ASH1L: variants seen among roughly 807,000 people sequenced by gnomAD.
ASH1L encodes the protein ASH1 like histone lysine methyltransferase.
A neutral mutation model predicts 269.0 loss-of-function variants in ASH1L; 23 were observed. That is an observed-to-expected ratio of 0.09 (90% CI 0.06 to 0.12). The LOEUF is 0.12. Ranked by LOEUF, ASH1L falls within the 10% of genes least tolerant of loss-of-function variation. The probability of loss-of-function intolerance (pLI) is 1.00; values close to 1 mark genes in which losing one functional copy is unlikely to be tolerated. For synonymous variants in ASH1L, 1,187 were observed against 1,253.5 expected, an observed-to-expected ratio of 0.95 and a Z score of 1.12; for missense variants, 2,912 against 3,567.8, an observed-to-expected ratio of 0.82 and a Z score of 4.68.
chr1:155,508,995 A>G lies in ASH1L; in HGVS notation c.420+12105T>C, dbSNP rs117569317. ...CTCTCAAAGTAGTCATCATCAAATT[A>G]GGCTCCAAATTCAACCACAGATAAA... is the stretch of plus-strand genomic sequence containing the variant. On this transcript the variant is annotated intron_variant, in intron 2 of 27. Coordinates refer to ENST00000392403, the MANE Select transcript of ASH1L (RefSeq NM_018489.3). Among the ~76,000 whole-genome samples, 22 of 152,346 alleles carry G rather than the reference A, an allele frequency of 1.4e-4. 1 individual carries two copies. In the East Asian group the frequency reaches 3.7e-3, roughly 25 times the overall value.
intron 2 of ASH1L, among the ~76,000 whole-genome samples, chr1:155,490,614 T>TCACA (rs144278501): frequency 0.47 from 67,077 of 142,008 alleles, 16,720 homozygotes; most frequent in Middle Eastern, 0.6. Context: ...CCAGACTACG[T>TCACA]CACACACACA....
At chr1:155,426,515 T>C (rs902400981) in intron 5 of ASH1L, among the ~76,000 whole-genome samples, 1 of 152,074 alleles carries the variant, frequency 6.6e-6, no homozygotes, top group African/African-American at 2.4e-5. Flanking sequence ...AATTTTTATA[T>C]TTTTAATAGA....
chr1:155,438,031 T>C (rs1389364900), intron 5 of ASH1L, among the ~76,000 whole-genome samples: 1 of 152,082 alleles, frequency 6.6e-6, no homozygotes, highest in Non-Finnish European at 1.5e-5. Context: ...ATATTTTTAG[T>C]AGAGAAAGGG....
At chr1:155,555,240 T>TA (rs1671505237) in intron 1 of ASH1L, among the ~76,000 whole-genome samples, 1 of 151,318 alleles carries the variant, frequency 6.6e-6, no homozygotes, top group African/African-American at 2.4e-5. Context: ...CTCACACCTG[T>TA]AATGCCAACA....
intron 6 of ASH1L, among the ~76,000 whole-genome samples, chr1:155,400,488 T>C (rs1335740795): frequency 1.3e-5 from 2 of 152,132 alleles, no homozygotes; most frequent in Non-Finnish European, 2.9e-5. Flanking sequence ...GATAACTGAG[T>C]AACAGGTACT....
At position 155,402,862 on chromosome 1, in the gene ASH1L, C is replaced by CTTT. The variant is rs113884065; in HGVS notation, c.6009-7312_6009-7310dup. Among the ~76,000 whole-genome samples, 1,150 of 135,940 alleles carry CTTT rather than the reference C, an allele frequency of 8.5e-3. 25 individuals are homozygous for CTTT. Among genetic ancestry groups the CTTT allele is most frequent in the African/African-American group, 0.031 (1,084 of 35,012 alleles). The allele number at this position is 135,940 out of a possible 152,430, so 89.2% of individuals were successfully genotyped here. On this transcript the variant is annotated intron_variant, in intron 6 of 27. Coordinates refer to ENST00000392403, the MANE Select transcript of ASH1L (RefSeq NM_018489.3). ...AGCCACCACACCCAGCCAAGTTATA[C>CTTT]TTTTTTTTTTTTTTTTTTTCAGCAT... is the stretch of plus-strand genomic sequence containing the variant.
At chr1:155,523,949 C>T (rs1669062467) in intron 1 of ASH1L, among the ~76,000 whole-genome samples, 1 of 152,200 alleles carries the variant, frequency 6.6e-6, no homozygotes, top group Non-Finnish European at 1.5e-5. Context: ...TGGGTAACTC[C>T]TTAGCTTGTT....
At chr1:155,408,405 A>G (rs868750317) in intron 6 of ASH1L, among the ~76,000 whole-genome samples, 1 of 152,230 alleles carries the variant, frequency 6.6e-6, no homozygotes, top group African/African-American at 2.4e-5. Flanking sequence ...CAAATACCCT[A>G]GTAGAAAAAG....
At position 155,479,240 on chromosome 1, in the gene ASH1L, T is replaced by C. The variant is rs1665782301; in HGVS notation, c.3630A>G (p.Thr1210=). The change falls in exon 3 of 28, where the codon ACA becomes ACG. Residue 1210 remains threonine, a synonymous_variant. Coordinates refer to ENST00000392403, the MANE Select transcript of ASH1L (RefSeq NM_018489.3). ...DSGIGTDNNS[T]SDRAEKFCGQ... ...CACAAAATTTCTCTGCCCTGTCTGATGTGCTGTTATTATCTGTTCCAATTC... is the reference window on the plus strand; with the variant it reads ...CACAAAATTTCTCTGCCCTGTCTGACGTGCTGTTATTATCTGTTCCAATTC... 1.2e-6 allele frequency: 2 copies of C among 1,613,958 alleles called. No individual in the cohort carries two copies. Among genetic ancestry groups the C allele is most frequent in the African/African-American group, 1.3e-5 (1 of 74,876 alleles).
At chr1:155,465,043 A>T (rs879754010) in intron 3 of ASH1L, among the ~76,000 whole-genome samples, 2 of 152,152 alleles carry the variant, frequency 1.3e-5, no homozygotes, top group African/African-American at 4.8e-5. Flanking sequence ...TGACATTTCC[A>T]CTGGAGGAAC....
At chr1:155,386,546 C>A (rs1252360104) in intron 7 of ASH1L, among the ~76,000 whole-genome samples, 1 of 126,682 alleles carries the variant, frequency 7.9e-6, no homozygotes, top group Non-Finnish European at 1.7e-5. Context: ...CCACCATGCC[C>A]AGCTAATTTT....
At chr1:155,516,150 T>A (rs920077919) in intron 2 of ASH1L, among the ~76,000 whole-genome samples, 10 of 152,144 alleles carry the variant, frequency 6.6e-5, no homozygotes, top group African/African-American at 2.4e-4. Flanking sequence ...AGAGGTTGCT[T>A]GACCACATTC....
rs72995136 is a variant in ASH1L at position 155,516,713 on chromosome 1, G to A, written c.420+4387C>T. Among the ~76,000 whole-genome samples the A allele has an allele frequency of 4.3e-3, 647 of 152,066 alleles. 2 individuals carry two copies. Among genetic ancestry groups the A allele is most frequent in the African/African-American group, 0.015 (616 of 41,492 alleles). Reference sequence around the variant, plus strand: ...GAGTCCAGGAGTTTGGGGCTACAATGAGCAATGCCACTGCCCCTCCAGCAT... The same window carrying A: ...GAGTCCAGGAGTTTGGGGCTACAATAAGCAATGCCACTGCCCCTCCAGCAT... On this transcript the variant is annotated intron_variant, in intron 2 of 27. Coordinates refer to ENST00000392403, the MANE Select transcript of ASH1L (RefSeq NM_018489.3).
chr1:155,424,411 G>GT lies in ASH1L; in HGVS notation c.5829-8489dup, dbSNP rs771747816. 8.3e-3 allele frequency among the ~76,000 whole-genome samples: 1,208 copies of GT among 145,266 alleles called. 3 individuals are homozygous for GT. Among genetic ancestry groups the GT allele is most frequent in the African/African-American group, 0.014 (569 of 39,912 alleles). ...TTACAGTAGTACAGTATGTATTACAGTTTTTTTTTTTTTGAGACAGAGTTT... is the reference window on the plus strand; with the variant it reads ...TTACAGTAGTACAGTATGTATTACAGTTTTTTTTTTTTTTGAGACAGAGTTT... On this transcript the variant is annotated intron_variant, in intron 5 of 27. Coordinates refer to ENST00000392403, the MANE Select transcript of ASH1L (RefSeq NM_018489.3).
At chr1:155,348,494 C>T (rs1429926154) in intron 19 of ASH1L, among the ~76,000 whole-genome samples, 3 of 152,098 alleles carry the variant, frequency 2.0e-5, no homozygotes. Context: ...AATAGTCCAT[C>T]CTGTCCTTTA....
intron 7 of ASH1L, among the ~76,000 whole-genome samples, chr1:155,382,819 A>G (rs1657099218): frequency 6.6e-6 from 1 of 151,690 alleles, no homozygotes; most frequent in African/African-American, 2.4e-5. Context: ...TCAACCTCCC[A>G]GACTAAAGCG....
At chr1:155,508,917 C>T (rs1667988822) in intron 2 of ASH1L, among the ~76,000 whole-genome samples, 1 of 152,044 alleles carries the variant, frequency 6.6e-6, no homozygotes, top group Non-Finnish European at 1.5e-5. Context: ...AATAGAGACC[C>T]CAGGAAAGGT....
intron 7 of ASH1L, among the ~76,000 whole-genome samples, chr1:155,394,505 A>T (rs920040208): frequency 1.3e-5 from 2 of 152,210 alleles, no homozygotes; most frequent in African/African-American, 2.4e-5. Flanking sequence ...TGAAGAAAAG[A>T]TACTACTGTC....
In ASH1L at chr1:155,505,773, C is replaced by T. The variant is rs12084416; in HGVS notation, c.420+15327G>A. 9.7e-3 allele frequency among the ~76,000 whole-genome samples: 1,468 copies of T among 152,080 alleles called. 25 individuals carry two copies. Among genetic ancestry groups the T allele is most frequent in the African/African-American group, 0.032 (1,337 of 41,458 alleles). ...TATATACATTTTATAGAAAACTGGG[C>T]TAACTTAAAATAGGGTATAATTTAA... is the stretch of plus-strand genomic sequence containing the variant. On this transcript the variant is annotated intron_variant, in intron 2 of 27. Coordinates refer to ENST00000392403, the MANE Select transcript of ASH1L (RefSeq NM_018489.3).
Sources: allele counts gnomAD v4.1 joint callset (sites outside exome capture counted in the v4.1 genomes callset), GRCh38; gene constraint gnomAD v4.1.1; transcripts MANE v1.5; gene names NCBI Gene and HGNC (gene_info 2026-07-23, HGNC 2026-07-21).